Variants in SLC9B1 observed in about 807,000 individuals in gnomAD.
SLC9B1 encodes solute carrier family 9 member B1, also known as sodium/hydrogen exchanger 9B1.
A neutral mutation model predicts 51.7 loss-of-function variants in SLC9B1; 32 were observed. The ratio of observed to expected loss-of-function variants is 0.62; its 90% confidence interval spans 0.47 to 0.83. The LOEUF (loss-of-function observed/expected upper bound fraction) is 0.83. SLC9B1 is among the 40% of genes least tolerant of loss of function. The pLI, the probability that SLC9B1 is intolerant of heterozygous loss-of-function variation, is 0.00. For missense variants in SLC9B1, 406 were observed against 613.2 expected, an observed-to-expected ratio of 0.66 and a Z score of 3.57; for synonymous variants, 145 against 212.7, an observed-to-expected ratio of 0.68 and a Z score of 2.77.
intron 1 of SLC9B1, among the ~76,000 whole-genome samples, chr4:102,993,837 C>G (rs1378178705): frequency 6.6e-6 from 1 of 152,218 alleles, no homozygotes. Flanking sequence ...AGCTGCCAAG[C>G]CTTGGGGCTT....
intron 3 of SLC9B1, among the ~76,000 whole-genome samples, chr4:102,960,926 T>C (rs1261498741): frequency 2.6e-5 from 4 of 152,048 alleles, no homozygotes; most frequent in African/African-American, 4.8e-5. Flanking sequence ...GAGACAGGGT[T>C]TCTCCATGTT....
At chr4:102,942,402 GC>G (rs1737050159) in intron 6 of SLC9B1, among the ~76,000 whole-genome samples, 1 of 152,136 alleles carries the variant, frequency 6.6e-6, no homozygotes, top group Non-Finnish European at 1.5e-5. Context: ...AAATGTGGAT[GC>G]ATCACATTAC....
intron 1 of SLC9B1, among the ~76,000 whole-genome samples, chr4:102,994,899 C>A (rs540293730): frequency 2.0e-5 from 3 of 152,318 alleles, no homozygotes; most frequent in African/African-American, 7.2e-5. Context: ...CATTGTTCCA[C>A]CCCTGACACA....
chr4:102,945,205 G>T lies in SLC9B1; in HGVS notation c.641C>A (p.Ala214Glu), dbSNP rs773399393. Residue 214 changes from alanine to glutamate, a missense_variant, in exon 6 of 12, where the codon GCA becomes GAA. By Grantham distance (107) the Ala-to-Glu change is moderately radical (BLOSUM62 -1). Around this residue, in one of 6 missense-constraint regions of SLC9B1, gnomAD observed 250 missense variants for 394.1 expected, o/e 0.63. Transcript: ENST00000296422. The stretch of plus-strand genomic sequence containing the variant: ...AGAAAGAAATTACCCTAATAGAAAT[G>T]CCCATTGCCAGGGAAATTTCATAAT... ...HFIMKFPWQW[A>E]FLLGFVLGAV... 1.9e-6 allele frequency: 3 copies of T among 1,603,458 alleles called. No individual in the cohort carries two copies. Among genetic ancestry groups the T allele is most frequent in the Non-Finnish European group, 8.5e-7 (1 of 1,172,868 alleles).
chr4:102,926,912 A>G (rs994728520), intron 7 of SLC9B1, among the ~76,000 whole-genome samples: 2 of 152,184 alleles, frequency 1.3e-5, no homozygotes, highest in African/African-American at 4.8e-5. Context: ...ATATAGACCA[A>G]TGGAACAGAA....
chr4:103,002,717 A>G (rs1028459399), intron 1 of SLC9B1, among the ~76,000 whole-genome samples: 8 of 152,240 alleles, frequency 5.3e-5, no homozygotes, highest in East Asian at 1.9e-4. Flanking sequence ...CAATAATGCT[A>G]TTCCATTGCC....
chr4:102,995,814 T>G (rs1740185095), intron 1 of SLC9B1, among the ~76,000 whole-genome samples: 1 of 152,174 alleles, frequency 6.6e-6, no homozygotes, highest in Non-Finnish European at 1.5e-5. Context: ...TAATAATGCT[T>G]AGTTTATTGG....
intron 2 of SLC9B1, among the ~76,000 whole-genome samples, chr4:102,991,419 C>A (rs1360200502): frequency 6.6e-6 from 1 of 152,106 alleles, no homozygotes; most frequent in African/African-American, 2.4e-5. Flanking sequence ...TTCCTAAAAT[C>A]TGTGCTCTTT....
At chr4:102,959,235 TACACAC>T (rs34697499) in intron 3 of SLC9B1, among the ~76,000 whole-genome samples, 5 of 149,340 alleles carry the variant, frequency 3.3e-5, no homozygotes, top group African/African-American at 9.9e-5. Flanking sequence ...CATATATATA[TACACAC>T]ACACACACAC....
At chr4:102,944,417 A>T (rs1227170537) in intron 6 of SLC9B1, among the ~76,000 whole-genome samples, 6 of 152,276 alleles carry the variant, frequency 3.9e-5, no homozygotes, top group Non-Finnish European at 8.8e-5. Flanking sequence ...AAGAGTTGTC[A>T]CTTTGGGTAG....
downstream of SLC9B1, chr4:102,898,167 G>C (rs1412411490): frequency 1.9e-6 from 1 of 518,774 alleles, no homozygotes; most frequent in Non-Finnish European, 3.9e-6. Context: ...AGGTATAGCT[G>C]TACCACAAGA....
rs1736489827 is a variant in SLC9B1 at position 102,932,155 on chromosome 4, G to A, written c.798C>T (p.Phe266=). 1.9e-6 allele frequency: 3 copies of A among 1,611,886 alleles called. No homozygotes were observed. The highest frequency in any genetic ancestry group is 2.5e-6 in the Non-Finnish European group (3 of 1,179,774). ...AAAAGACTATGCTCAAGCATGTATT[G>A]AATCCAGTGATAGCCAGAATGTCAT... is the stretch of plus-strand genomic sequence containing the variant. ...SMDDILAITG[F]NTCLSIVFSS... is the part of the protein sequence containing the mutation. Residue 266 remains phenylalanine (F), a synonymous_variant, in exon 7 of 12, where the codon TTC becomes TTT. Coordinates refer to ENST00000296422, the MANE Select transcript of SLC9B1 (RefSeq NM_139173.4).
intron 3 of SLC9B1, among the ~76,000 whole-genome samples, chr4:102,987,841 T>C (rs1475205684): frequency 6.6e-6 from 1 of 152,210 alleles, no homozygotes; most frequent in Non-Finnish European, 1.5e-5. Context: ...TATGATTCTC[T>C]GAATCTGTCT....
intron 3 of SLC9B1, among the ~76,000 whole-genome samples, chr4:102,979,655 G>A (rs1444708247): frequency 1.3e-5 from 2 of 152,074 alleles, no homozygotes; most frequent in Non-Finnish European, 2.9e-5. Flanking sequence ...TCCCCACTTG[G>A]CTCCTTAGTG....
chr4:102,985,952 T>C (rs933147272), intron 3 of SLC9B1, among the ~76,000 whole-genome samples: 1 of 152,218 alleles, frequency 6.6e-6, no homozygotes, highest in Non-Finnish European at 1.5e-5. Context: ...ACATAAGCTA[T>C]AGTCATAAAT....
At chr4:102,974,258 A>AAAAAAAAAAAAAG (rs1738937410) in intron 3 of SLC9B1, among the ~76,000 whole-genome samples, 1 of 146,850 alleles carries the variant, frequency 6.8e-6, no homozygotes, top group Non-Finnish European at 1.5e-5. Context: ...AAAAAAAAAA[A>AAAAAAAAAAAAAG]AAAAAAAATC....
At chr4:102,976,734 TAAG>T (rs1480167555) in intron 3 of SLC9B1, among the ~76,000 whole-genome samples, 3 of 152,086 alleles carry the variant, frequency 2.0e-5, no homozygotes, top group Non-Finnish European at 4.4e-5. Flanking sequence ...CATTGAGAGG[TAAG>T]TAAATTTGTC....
downstream of SLC9B1, chr4:102,896,782 T>C (rs561685931): frequency 2.0e-5 from 3 of 152,470 alleles, no homozygotes; most frequent in East Asian, 3.9e-4. Context: ...GGTGATGGCA[T>C]TGTACATATT....
At chr4:102,948,927 G>C (rs1292789219) in intron 4 of SLC9B1, among the ~76,000 whole-genome samples, 1 of 152,154 alleles carries the variant, frequency 6.6e-6, no homozygotes, top group Non-Finnish European at 1.5e-5. Context: ...ATATATCCAT[G>C]TACCAAACCT....
Sources: allele counts gnomAD v4.1 joint callset (sites outside exome capture counted in the v4.1 genomes callset), GRCh38; gene constraint gnomAD v4.1.1; regional missense constraint gnomAD v4.1.1; transcripts MANE v1.5; gene names NCBI Gene and HGNC (gene_info 2026-07-23, HGNC 2026-07-21).